Variants in LRRC7 observed in about 807,000 individuals in gnomAD.
LRRC7 encodes the protein leucine rich repeat containing 7.
LRRC7 carries 23 observed loss-of-function variants against 175.7 expected under a neutral mutation model. That is an observed-to-expected ratio of 0.13 (90% CI 0.09 to 0.19). The LOEUF (loss-of-function observed/expected upper bound fraction) is 0.19. Ranked by LOEUF, LRRC7 falls within the 10% of genes least tolerant of loss-of-function variation. The pLI, the probability that LRRC7 is intolerant of heterozygous loss-of-function variation, is 1.00. For synonymous variants in LRRC7, 685 were observed against 680.9 expected (o/e 1.01, Z -0.09); for missense variants, 1,354 against 1,904.7 (o/e 0.71, Z 5.38).
chr1:69,830,314 ATC>A (rs1169948602), intron 5 of LRRC7, among the ~76,000 whole-genome samples: 2 of 151,790 alleles, frequency 1.3e-5, no homozygotes, highest in African/African-American at 4.8e-5. Context: ...TGCCCAAATC[ATC>A]TCTGTTTACT....
rs1356727033 is a variant in LRRC7 at position 70,030,188 on chromosome 1, G to A, written c.1995+1817G>A. On this transcript the variant is annotated intron_variant, in intron 18 of 26. Coordinates refer to ENST00000651989, the MANE Select transcript of LRRC7 (RefSeq NM_001370785.2). ...CCAGCCTCCTCATTGCCTTGTCAATGATCTTTCTAAAAAAGAATTCTAATC... is the reference window on the plus strand; with the variant it reads ...CCAGCCTCCTCATTGCCTTGTCAATAATCTTTCTAAAAAAGAATTCTAATC... Among the ~76,000 whole-genome samples, 4 of 152,178 alleles carry A rather than the reference G, an allele frequency of 2.6e-5. No individual in the cohort carries two copies. In the East Asian group the frequency reaches 5.8e-4, roughly 22 times the overall value.
intron 1 of LRRC7, among the ~76,000 whole-genome samples, chr1:69,675,616 A>G (rs749226771): frequency 2.0e-5 from 3 of 152,098 alleles, no homozygotes; most frequent in Non-Finnish European, 4.4e-5. Flanking sequence ...AGCTCACTTA[A>G]ATTGTTATTA....
intron 7 of LRRC7, among the ~76,000 whole-genome samples, chr1:69,897,547 T>C (rs1646014362): frequency 6.6e-6 from 1 of 152,220 alleles, no homozygotes; most frequent in African/African-American, 2.4e-5. Flanking sequence ...ACTTTACTCC[T>C]ATCTCATAGA....
chr1:69,571,353 C>A (rs1645732546), intron 1 of LRRC7, among the ~76,000 whole-genome samples: 1 of 152,118 alleles, frequency 6.6e-6, no homozygotes, highest in African/African-American at 2.4e-5. Context: ...ATTCCACTTT[C>A]TTTTTTAAGC....
intron 8 of LRRC7, among the ~76,000 whole-genome samples, chr1:69,950,733 C>T (rs1437789971): frequency 6.6e-6 from 1 of 151,816 alleles, no homozygotes. Context: ...AAATATGATA[C>T]AGCCAGAACT....
chr1:69,748,552 T>C (rs1301757085), intron 2 of LRRC7, among the ~76,000 whole-genome samples: 1 of 147,660 alleles, frequency 6.8e-6, no homozygotes, highest in African/African-American at 2.7e-5. Flanking sequence ...TTTTATTAAA[T>C]AAAGTATTTG....
intron 11 of LRRC7, among the ~76,000 whole-genome samples, chr1:70,001,403 A>T (rs1655508584): frequency 6.6e-6 from 1 of 152,214 alleles, no homozygotes; most frequent in African/African-American, 2.4e-5. Context: ...GCAAGTGAAT[A>T]TGGATGCTAG....
intron 3 of LRRC7, among the ~76,000 whole-genome samples, chr1:69,780,990 AT>A (rs1330842852): frequency 6.6e-6 from 1 of 152,152 alleles, no homozygotes; most frequent in Non-Finnish European, 1.5e-5. Context: ...TATCCAGCTA[AT>A]TTTATTTTTT....
chr1:69,724,398 G>A (rs1434852480), intron 2 of LRRC7, among the ~76,000 whole-genome samples: 1 of 152,068 alleles, frequency 6.6e-6, no homozygotes, highest in Non-Finnish European at 1.5e-5. Flanking sequence ...CTATTCATAT[G>A]GAATATAAAT....
At chr1:69,689,549 C>T (rs529498039) in intron 2 of LRRC7, among the ~76,000 whole-genome samples, 7 of 152,180 alleles carry the variant, frequency 4.6e-5, no homozygotes, top group Admixed American at 2.0e-4. Flanking sequence ...TCAGAGACAC[C>T]GAACTAAACA....
At chr1:69,709,727 G>A (rs34174107) in intron 2 of LRRC7, among the ~76,000 whole-genome samples, 11,991 of 152,122 alleles carry the variant, frequency 0.079, 556 homozygotes, top group East Asian at 0.14. Flanking sequence ...GACTCTCTGG[G>A]GTCTCTTTCA....
At chr1:69,615,339 G>C (rs1649442441) in intron 1 of LRRC7, among the ~76,000 whole-genome samples, 1 of 152,012 alleles carries the variant, frequency 6.6e-6, no homozygotes, top group African/African-American at 2.4e-5. Flanking sequence ...AAATTCAGCA[G>C]AAGACTACTG....
intron 18 of LRRC7, among the ~76,000 whole-genome samples, chr1:70,032,428 A>G (rs1166201617): frequency 6.6e-6 from 1 of 152,008 alleles, no homozygotes; most frequent in Non-Finnish European, 1.5e-5. Context: ...AAAATATGGT[A>G]ACACCTATTT....
In LRRC7 at chr1:69,994,554, G is replaced by C. The variant is rs1326779160; in HGVS notation, c.932-7G>C. 2 of 1,585,150 alleles carry C rather than the reference G, an allele frequency of 1.3e-6. No homozygotes were observed. Among genetic ancestry groups the C allele is most frequent in the African/African-American group, 2.7e-5 (2 of 74,146 alleles). On this transcript the variant is annotated splice_region_variant and splice_polypyrimidine_tract_variant and intron_variant, in intron 10 of 26. Coordinates refer to ENST00000651989, the MANE Select transcript of LRRC7 (RefSeq NM_001370785.2). ...TATGTATTAATCAACCTTCTTCTCT[G>C]CTTTAGGACTTTTGAAAAAACTAAC... is the stretch of plus-strand genomic sequence containing the variant.
chr1:69,752,222 C>T lies in LRRC7; in HGVS notation c.101-7969C>T, dbSNP rs146149175. ...GATGTTCTTGAAGTAAGACATGGAA[C>T]GAGTCTGGCAGATTTCCATATCCCT... On this transcript the variant is annotated intron_variant, in intron 2 of 26. Coordinates refer to ENST00000651989, the MANE Select transcript of LRRC7 (RefSeq NM_001370785.2). 9.4e-3 allele frequency among the ~76,000 whole-genome samples: 1,437 copies of T among 152,152 alleles called. 21 individuals carry two copies. Among genetic ancestry groups the T allele is most frequent in the African/African-American group, 0.032 (1,346 of 41,534 alleles).
At chr1:69,781,753 G>A (rs1252624308) in intron 3 of LRRC7, among the ~76,000 whole-genome samples, 6 of 47,506 alleles carry the variant, frequency 1.3e-4, no homozygotes, top group Non-Finnish European at 1.8e-4. Flanking sequence ...GAGAGAGAGA[G>A]AGAGAGAGAG....
intron 6 of LRRC7, among the ~76,000 whole-genome samples, chr1:69,837,825 A>AAT (rs963712933): frequency 7.3e-5 from 11 of 150,614 alleles, no homozygotes; most frequent in African/African-American, 2.7e-4. Flanking sequence ...ACTCATAATC[A>AAT]ATATATATAT....
At chr1:70,096,178 T>C (rs2102183518) in intron 25 of LRRC7, among the ~76,000 whole-genome samples, 1 of 152,326 alleles carries the variant, frequency 6.6e-6, no homozygotes, top group Non-Finnish European at 1.5e-5. Context: ...GGTTTCACCA[T>C]GTTGGGCAGG....
At chr1:69,677,234 T>TATATATGTTATATATATATCATATATA (rs1659888765) in intron 1 of LRRC7, among the ~76,000 whole-genome samples, 1 of 103,734 alleles carries the variant, frequency 9.6e-6, no homozygotes, top group Non-Finnish European at 2.3e-5. Flanking sequence ...TAACATATAT[T>TATATATGTTATATATATATCATATATA]ATATATGTTA....
Sources: gnomAD v4.1 joint callset for allele counts (sites outside exome capture counted in the v4.1 genomes callset) on GRCh38, gnomAD v4.1.1 for gene constraint, MANE v1.5 for transcripts, NCBI Gene and HGNC (gene_info 2026-07-23, HGNC 2026-07-21) for gene names.